ZNF891: variants seen among roughly 807,000 people sequenced by gnomAD.
The protein encoded by ZNF891 is hCG1646157.
For synonymous variants in ZNF891, 199 were observed against 209.0 expected (o/e 0.95, Z 0.41); for missense variants, 589 against 632.7 (o/e 0.93, Z 0.74).
At position 133,122,015 on chromosome 12, in the gene ZNF891, G is replaced by A. The variant is rs574296883; in HGVS notation, c.-97C>T. 4.9e-5 allele frequency: 68 copies of A among 1,400,404 alleles called. No homozygotes were observed. The highest frequency in any genetic ancestry group is 3.3e-4 in the South Asian group (19 of 57,582). 86.7% of individuals were successfully genotyped at this position (1,400,404 alleles called of 1,614,324 possible). Reference sequence around the variant, plus strand: ...GTCACAGGAGGGATGCATTTCACCCGAAGTTCTCCCTGTAGCCAAAGAAGC... The same window carrying A: ...GTCACAGGAGGGATGCATTTCACCCAAAGTTCTCCCTGTAGCCAAAGAAGC... On this transcript the variant is annotated 5_prime_UTR_variant, in exon 2 of 2. Coordinates refer to ENST00000537226, the MANE Select transcript of ZNF891 (RefSeq NM_001277291.2).
Position 133,115,002 on chromosome 12 carries a change from C to T in ZNF891, c.*5282G>A, listed in dbSNP as rs998926382. Reference sequence around the variant, plus strand: ...AGTATTGTTATAAAAACTCTGGAGGCAAATGGATCAAATACATTATGGTAC... The same window carrying T: ...AGTATTGTTATAAAAACTCTGGAGGTAAATGGATCAAATACATTATGGTAC... On this transcript the variant is annotated 3_prime_UTR_variant, in exon 2 of 2. Transcript: ENST00000537226. 6.6e-6 allele frequency: 1 copy of T among 152,108 alleles called. No homozygotes were observed. The highest frequency in any genetic ancestry group is 2.4e-5 in the African/African-American group (1 of 41,416). The allele number at this position is 152,108 out of a possible 1,614,324, so 9.4% of individuals were successfully genotyped here. A position where few individuals can be genotyped will look rare whatever the true frequency, so the allele number is the denominator to read the frequency against.
In ZNF891 at chr12:133,108,602, A is replaced by G. The variant is rs986214868; in HGVS notation, c.*11682T>C. On this transcript the variant is annotated 3_prime_UTR_variant, in exon 2 of 2. Coordinates refer to ENST00000537226, the MANE Select transcript of ZNF891 (RefSeq NM_001277291.2). ...CAGCCATAAAGGTTAAACATTTACT[A>G]TCTAGCCCTTTACAGAAAAACTTGG... 1.3e-5 allele frequency: 2 copies of G among 152,370 alleles called. No individual in the cohort carries two copies. Among genetic ancestry groups the G allele is most frequent in the Admixed American group, 1.3e-4 (2 of 15,294 alleles). 9.4% of individuals were successfully genotyped at this position (152,370 alleles called of 1,614,324 possible).
rs1337015029 is a variant in ZNF891, at chr12:133,116,903, A to G, written c.*3381T>C. ...CACATATCCACAGGTTGGAAGTGGG[A>G]TCAGTATCTTCCTTACTCCCTAACA... On this transcript the variant is annotated 3_prime_UTR_variant, in exon 2 of 2. Coordinates refer to ENST00000537226, the MANE Select transcript of ZNF891 (RefSeq NM_001277291.2). The G allele has an allele frequency of 6.6e-6, 1 of 152,240 alleles. No individual in the cohort carries two copies. Among genetic ancestry groups the G allele is most frequent in the Non-Finnish European group, 1.5e-5 (1 of 68,062 alleles). 9.4% of individuals were successfully genotyped at this position (152,240 alleles called of 1,614,324 possible).
rs187581892 is a variant in ZNF891, at chr12:133,122,624, A to G, written c.-106-600T>C. 7.7e-3 allele frequency among the ~76,000 whole-genome samples: 1,179 copies of G among 152,308 alleles called. 14 individuals carry two copies. Among genetic ancestry groups the G allele is most frequent in the Non-Finnish European group, 9.9e-3 (675 of 68,028 alleles). ...GAGGGCAGCAGGGAGAGCATTAGGA[A>G]AAAGAGCTAATGCATGCCAGGCTTA... On this transcript the variant is annotated intron_variant, in intron 1 of 1. Transcript: ENST00000537226.
rs1955563203 is a variant in ZNF891 at position 133,105,601 on chromosome 12, A to G, written c.*14683T>C. The G allele has an allele frequency of 6.2e-6, 10 of 1,614,038 alleles. No individual in the cohort carries two copies. The Admixed American group carries it at 1.0e-4, about 16-fold the overall frequency. ...AGTATTTGATCATGGAAAGAATTCT[A>G]AGTCAAGGCCCTGTGTATTCCAGTT... On this transcript the variant is annotated 3_prime_UTR_variant, in exon 2 of 2. Transcript: ENST00000537226.
In ZNF891 at chr12:133,107,166, T is replaced by A. The variant is rs896016582; in HGVS notation, c.*13118A>T. On this transcript the variant is annotated 3_prime_UTR_variant, in exon 2 of 2. Transcript: ENST00000537226. Reference sequence around the variant, plus strand: ...CTTCATTTACAATGCAATACTTACATTTTAATACTCTTGTAGGAGAAAAAG... The same window carrying A: ...CTTCATTTACAATGCAATACTTACAATTTAATACTCTTGTAGGAGAAAAAG... The A allele has an allele frequency of 6.6e-6, 1 of 152,498 alleles. No individual in the cohort carries two copies. The highest frequency in any genetic ancestry group is 1.5e-5 in the Non-Finnish European group (1 of 68,268). The allele number at this position is 152,498 out of a possible 1,614,324, so 9.4% of individuals were successfully genotyped here. A position where few individuals can be genotyped will look rare whatever the true frequency, so the allele number is the denominator to read the frequency against.
Position 133,130,231 on chromosome 12 carries a change from C to T in ZNF891, c.-111G>A, listed in dbSNP as rs2137632140. The T allele has an allele frequency of 6.6e-6, 1 of 152,482 alleles. No homozygotes were observed. The highest frequency in any genetic ancestry group is 2.4e-5 in the African/African-American group (1 of 41,586). 9.4% of individuals were successfully genotyped at this position (152,482 alleles called of 1,614,324 possible). On this transcript the variant is annotated 5_prime_UTR_variant, in exon 1 of 2. Transcript: ENST00000537226. The stretch of plus-strand genomic sequence containing the variant: ...GCCACAGGCCCGCATGCTCACCCGT[C>T]CTCAGTGCCTGCCTCCAGGCGTCCG...
chr12:133,122,082 T>A, intron 1 of ZNF891, 58 bp from the exon 2 acceptor site: 2 of 1,395,612 alleles, frequency 1.4e-6, no homozygotes, highest in South Asian at 3.5e-5. Flanking sequence ...GGGCCCCACT[T>A]GGGGAAAGGT....
intron 1 of ZNF891, among the ~76,000 whole-genome samples, chr12:133,129,570 A>T (rs1415231987): frequency 6.6e-6 from 1 of 151,200 alleles, no homozygotes; most frequent in Non-Finnish European, 1.5e-5. Context: ...ACCAAATAGC[A>T]CCAAACTTTT....
intron 1 of ZNF891, among the ~76,000 whole-genome samples, chr12:133,128,820 G>T (rs1446037228): frequency 6.8e-6 from 1 of 147,508 alleles, no homozygotes; most frequent in African/African-American, 2.5e-5. Context: ...GAAAAACAGA[G>T]ACAAAGTAAA....
rs73427919 is a variant in ZNF891 at position 133,123,248 on chromosome 12, A to C, written c.-106-1224T>G. Among the ~76,000 whole-genome samples the C allele has an allele frequency of 4.2e-3, 646 of 152,320 alleles. 4 individuals carry two copies. The highest frequency in any genetic ancestry group is 0.015 in the African/African-American group (622 of 41,570). ...TAGGTCTGTCACTTTAGGGAAACTC[A>C]TTTAGAAATAGATTTTGTCTGATTT... On this transcript the variant is annotated intron_variant, in intron 1 of 1. Transcript: ENST00000537226.
chr12:133,126,223 C>A (rs1267960577), intron 1 of ZNF891, among the ~76,000 whole-genome samples: 2 of 152,002 alleles, frequency 1.3e-5, no homozygotes, highest in East Asian at 3.9e-4. Flanking sequence ...CACGGAGGCT[C>A]ATGCCTGAAA....
rs1387737765 is a variant in ZNF891, at chr12:133,108,176, C to T, written c.*12108G>A. ...CGAATACAAGCAGCATGCCTTACTA[C>T]GTATGGGTATCTAATATCTGATTTG... On this transcript the variant is annotated 3_prime_UTR_variant, in exon 2 of 2. Coordinates refer to ENST00000537226, the MANE Select transcript of ZNF891 (RefSeq NM_001277291.2). 6.6e-6 allele frequency: 1 copy of T among 151,846 alleles called. No homozygotes were observed. Among genetic ancestry groups the T allele is most frequent in the Non-Finnish European group, 1.5e-5 (1 of 67,992 alleles). 9.4% of individuals were successfully genotyped at this position (151,846 alleles called of 1,614,324 possible).
rs1195399948 is a variant in ZNF891 at position 133,106,490 on chromosome 12, A to G, written c.*13794T>C. ...GAGCTTTTCCCTCATTCTACATCAG[A>G]GAACTCATACTGGAGAGAAACCCTA... On this transcript the variant is annotated 3_prime_UTR_variant, in exon 2 of 2. Transcript: ENST00000537226. 1 of 1,614,154 alleles carries G rather than the reference A, an allele frequency of 6.2e-7. No homozygotes were observed. Among genetic ancestry groups the G allele is most frequent in the South Asian group, 1.1e-5 (1 of 91,082 alleles).
In ZNF891 at chr12:133,106,102, T is replaced by C. The variant is rs1955582739; in HGVS notation, c.*14182A>G. On this transcript the variant is annotated 3_prime_UTR_variant, in exon 2 of 2. Transcript: ENST00000537226. ...ACATAGGAAAGAAACAATATATATG[T>C]AGGAAATGTGGTAAAGCATTTAGCA... 7 of 1,614,006 alleles carry C rather than the reference T, an allele frequency of 4.3e-6. No homozygotes were observed. Among genetic ancestry groups the C allele is most frequent in the Non-Finnish European group, 5.9e-6 (7 of 1,180,012 alleles).
intron 1 of ZNF891, among the ~76,000 whole-genome samples, chr12:133,123,672 C>T (rs1023782328): frequency 6.6e-6 from 1 of 151,404 alleles, no homozygotes; most frequent in South Asian, 2.1e-4. Context: ...CATGCTACCA[C>T]ACTCCAGCCT....
In ZNF891 at chr12:133,119,504, C is replaced by T. The variant is rs1424727920; in HGVS notation, c.*780G>A. On this transcript the variant is annotated 3_prime_UTR_variant, in exon 2 of 2. Transcript: ENST00000537226. Reference sequence around the variant, plus strand: ...GTTGCAGTGAGCTGAGATTGTGCCACTGCACTCCAGCCTGGGCAACATACC... The same window carrying T: ...GTTGCAGTGAGCTGAGATTGTGCCATTGCACTCCAGCCTGGGCAACATACC... 2.6e-5 allele frequency: 4 copies of T among 152,316 alleles called. No homozygotes were observed. The highest frequency in any genetic ancestry group is 9.6e-5 in the African/African-American group (4 of 41,464). 9.4% of individuals were successfully genotyped at this position (152,316 alleles called of 1,614,324 possible). A position where few individuals can be genotyped will look rare whatever the true frequency, so the allele number is the denominator to read the frequency against.
chr12:133,108,866 A>T lies in ZNF891; in HGVS notation c.*11418T>A, dbSNP rs1014622745. 6.6e-6 allele frequency: 1 copy of T among 152,256 alleles called. No homozygotes were observed. Among genetic ancestry groups the T allele is most frequent in the Non-Finnish European group, 1.5e-5 (1 of 68,032 alleles). The allele number at this position is 152,256 out of a possible 1,614,324, so 9.4% of individuals were successfully genotyped here. A position where few individuals can be genotyped will look rare whatever the true frequency, so the allele number is the denominator to read the frequency against. ...TATTTCAAACCTATATCAGAGAATTACACTGTGGGAAAACTACCATTGTAA... is the reference window on the plus strand; with the variant it reads ...TATTTCAAACCTATATCAGAGAATTTCACTGTGGGAAAACTACCATTGTAA... On this transcript the variant is annotated 3_prime_UTR_variant, in exon 2 of 2. Coordinates refer to ENST00000537226, the MANE Select transcript of ZNF891 (RefSeq NM_001277291.2).
Position 133,110,956 on chromosome 12 carries a change from A to G in ZNF891, c.*9328T>C, listed in dbSNP as rs1197070918. On this transcript the variant is annotated 3_prime_UTR_variant, in exon 2 of 2. Coordinates refer to ENST00000537226, the MANE Select transcript of ZNF891 (RefSeq NM_001277291.2). ...CGACAAAGCAAGATTCCATCTCAAC[A>G]AAACAAAACAAAACCAACAAAAGAA... 2.0e-5 allele frequency: 3 copies of G among 152,276 alleles called. No individual in the cohort carries two copies. Among genetic ancestry groups the G allele is most frequent in the African/African-American group, 7.2e-5 (3 of 41,452 alleles). The allele number at this position is 152,276 out of a possible 1,614,324, so 9.4% of individuals were successfully genotyped here.
Sources: gnomAD v4.1 joint callset for allele counts (sites outside exome capture counted in the v4.1 genomes callset) on GRCh38, gnomAD v4.1.1 for gene constraint, MANE v1.5 for transcripts, NCBI Gene and HGNC (gene_info 2026-07-23, HGNC 2026-07-21) for gene names.